The following ST7 variants were observed in gnomAD, a reference collection of about 807,000 sequenced individuals.
ST7 encodes suppression of tumorigenicity 7.
ST7 carries 28 observed loss-of-function variants against 78.7 expected under a neutral mutation model. The ratio of observed to expected loss-of-function variants is 0.36; its 90% CI spans 0.26 to 0.49. The LOEUF (loss-of-function observed/expected upper bound fraction) is 0.49. Among genes scored for constraint, ST7 ranks in the 20% least tolerant of loss-of-function variants. The pLI is 0.99. For synonymous variants in ST7, 247 were observed against 249.6 expected (o/e 0.99, Z 0.10); for missense variants, 418 against 696.0 (o/e 0.60, Z 4.49).
At chr7:117,097,908 A>ATATATATATATATT in intron 1 of ST7, among the ~76,000 whole-genome samples, 11 of 30,006 alleles carry the variant, frequency 3.7e-4, no homozygotes, top group East Asian at 3.4e-3. Flanking sequence ...ATATATATAT[A>ATATATATATATATT]TTTTTTTTTT....
intron 9 of ST7, among the ~76,000 whole-genome samples, chr7:117,144,411 T>C (rs138793137): frequency 2.2e-4 from 33 of 151,426 alleles, no homozygotes; most frequent in Middle Eastern, 3.4e-3. Flanking sequence ...GCAAATTGCT[T>C]GAGCTCAGCA....
chr7:117,171,040 A>G, intron 10 of ST7, 64 bp downstream of exon 10: 1 of 1,043,006 alleles, frequency 9.6e-7, no homozygotes, highest in Non-Finnish European at 1.4e-6. Flanking sequence ...CCCTGATTAG[A>G]TTAGAAGGGT....
intron 1 of ST7, among the ~76,000 whole-genome samples, chr7:117,085,083 A>T (rs997454120): frequency 1.3e-5 from 2 of 152,212 alleles, no homozygotes; most frequent in African/African-American, 4.8e-5. Flanking sequence ...GATTCTGTAC[A>T]AGAAAAAGAA....
chr7:117,058,643 G>C (rs1351335775), intron 1 of ST7, among the ~76,000 whole-genome samples: 1 of 152,136 alleles, frequency 6.6e-6, no homozygotes, highest in Non-Finnish European at 1.5e-5. Context: ...AAGTCACAAT[G>C]TAGAAAAATT....
chr7:117,214,638 C>T (rs1225472421), intron 13 of ST7, among the ~76,000 whole-genome samples: 1 of 151,918 alleles, frequency 6.6e-6, no homozygotes, highest in Non-Finnish European at 1.5e-5. Flanking sequence ...AGCTAACTTA[C>T]CCTAATAGCC....
intron 9 of ST7, chr7:117,146,268 G>C (rs1394229833): frequency 6.6e-6 from 1 of 152,240 alleles, no homozygotes; most frequent in South Asian, 2.1e-4. Context: ...GACTGAAGGA[G>C]ATGCCAAAGT....
chr7:117,087,475 C>T (rs1208905413), intron 1 of ST7, among the ~76,000 whole-genome samples: 2 of 152,072 alleles, frequency 1.3e-5, no homozygotes, highest in East Asian at 3.8e-4. Flanking sequence ...AATGATTAAC[C>T]ATACATACAT....
intron 1 of ST7, among the ~76,000 whole-genome samples, chr7:116,999,813 T>C (rs1372364053): frequency 7.1e-6 from 1 of 140,704 alleles, no homozygotes; most frequent in East Asian, 2.0e-4. Flanking sequence ...TCTTTCTTTT[T>C]TTTTTTTTTT....
In ST7 at chr7:117,117,400, T is replaced by G. The variant is rs79645728; in HGVS notation, c.235-2161T>G. 5.5e-3 allele frequency among the ~76,000 whole-genome samples: 842 copies of G among 152,228 alleles called. 4 individuals are homozygous for G. The highest frequency in any genetic ancestry group is 0.015 in the African/African-American group (632 of 41,558). On this transcript the variant is annotated intron_variant, in intron 2 of 15. Coordinates refer to ENST00000323984, the MANE Select transcript of ST7 (RefSeq NM_001369598.1). ...CTTGTGATTGGTGTGGAACATGTAG[T>G]GCTGTGTGATGGAATCAATGAACTA...
intron 15 of ST7, among the ~76,000 whole-genome samples, chr7:117,226,363 A>G (rs1021272763): frequency 1.3e-5 from 2 of 151,906 alleles, no homozygotes; most frequent in East Asian, 3.9e-4. Context: ...TAAAGATATG[A>G]CCATGTATCT....
At chr7:117,099,206 T>C (rs1170541897) in intron 1 of ST7, among the ~76,000 whole-genome samples, 1 of 152,080 alleles carries the variant, frequency 6.6e-6, no homozygotes, top group African/African-American at 2.4e-5. Flanking sequence ...AACCTTTTAC[T>C]CATCATACAC....
chr7:117,039,847 C>T (rs577111099), intron 1 of ST7, among the ~76,000 whole-genome samples: 1 of 152,276 alleles, frequency 6.6e-6, no homozygotes, highest in South Asian at 2.1e-4. Context: ...GGCCAGTTAT[C>T]CCACATCTTC....
At chr7:117,206,180 T>C (rs550882701) in intron 12 of ST7, among the ~76,000 whole-genome samples, 1 of 152,238 alleles carries the variant, frequency 6.6e-6, no homozygotes, top group Non-Finnish European at 1.5e-5. Flanking sequence ...TTTATAGTCA[T>C]AGCCGATTTC....
At chr7:117,026,407 AATT>A (rs1796184325) in intron 1 of ST7, among the ~76,000 whole-genome samples, 1 of 152,202 alleles carries the variant, frequency 6.6e-6, no homozygotes, top group Admixed American at 6.5e-5. Flanking sequence ...GAGTTAACAT[AATT>A]ATTAATGTTT....
chr7:117,089,603 G>A (rs1251049363), intron 1 of ST7, among the ~76,000 whole-genome samples: 3 of 143,698 alleles, frequency 2.1e-5, no homozygotes, highest in Non-Finnish European at 4.5e-5. Flanking sequence ...ATGGAATCTC[G>A]CTCTGTCGCC....
At chr7:117,001,472 G>C (rs1794929780) in intron 1 of ST7, among the ~76,000 whole-genome samples, 1 of 152,158 alleles carries the variant, frequency 6.6e-6, no homozygotes, top group South Asian at 2.1e-4. Flanking sequence ...TGGAAAAAGG[G>C]GGTTTATGTC....
At chr7:117,015,069 A>T in intron 1 of ST7, 2 of 912,518 alleles carry the variant, frequency 2.2e-6, no homozygotes, top group Non-Finnish European at 3.0e-6. Flanking sequence ...TAAAAATAAT[A>T]TTTTGAATTT....
chr7:117,046,490 C>A (rs1292515506), intron 1 of ST7, among the ~76,000 whole-genome samples: 1 of 152,018 alleles, frequency 6.6e-6, no homozygotes, highest in Non-Finnish European at 1.5e-5. Context: ...TTCCATGAAG[C>A]CTTTTTTAGC....
chr7:117,097,908 A>ATATATATATATTTTTTTTT, intron 1 of ST7, among the ~76,000 whole-genome samples: 1 of 30,012 alleles, frequency 3.3e-5, no homozygotes, highest in South Asian at 1.9e-3. Flanking sequence ...ATATATATAT[A>ATATATATATATTTTTTTTT]TTTTTTTTTT....
Sources: allele counts gnomAD v4.1 joint callset (sites outside exome capture counted in the v4.1 genomes callset), GRCh38; gene constraint gnomAD v4.1.1; transcripts MANE v1.5; gene names NCBI Gene and HGNC (gene_info 2026-07-23, HGNC 2026-07-21).